Variants in KDM2B observed in about 807,000 individuals in gnomAD.
KDM2B encodes the protein lysine-specific demethylase 2B.
In KDM2B, 26 loss-of-function variants were observed where a neutral mutation model predicts 150.0. That is an observed-to-expected ratio of 0.17 (90% CI 0.13 to 0.24). The LOEUF (loss-of-function observed/expected upper bound fraction) is 0.24. KDM2B is among the 10% of genes least tolerant of loss of function. KDM2B has a pLI of 1.00. For missense variants in KDM2B, 1,265 were observed against 1,816.9 expected, an observed-to-expected ratio of 0.70 and a Z score of 5.52; for synonymous variants, 734 against 729.5, an observed-to-expected ratio of 1.01 and a Z score of -0.10.
At chr12:121,494,370 C>T (rs995445381) in intron 12 of KDM2B, 18 of 516,068 alleles carry the variant, frequency 3.5e-5, no homozygotes, top group Non-Finnish European at 5.9e-5. Context: ...GACCACCAGG[C>T]GGCACTGTTC....
At chr12:121,426,191 C>T (rs1271243188), downstream of KDM2B, among the ~76,000 whole-genome samples, 1 of 152,152 alleles carries the variant, frequency 6.6e-6, no homozygotes, top group Admixed American at 6.5e-5. Flanking sequence ...TAGTTTAAAG[C>T]AGTTTAATGT....
At chr12:121,444,810 A>G in intron 14 of KDM2B, 2 of 531,002 alleles carry the variant, frequency 3.8e-6, no homozygotes, top group Non-Finnish European at 6.8e-6. Context: ...CGGCCATAAA[A>G]GTTAGTGTGC....
intron 22 of KDM2B, among the ~76,000 whole-genome samples, chr12:121,437,801 C>T (rs981353735): frequency 2.6e-5 from 4 of 152,146 alleles, no homozygotes; most frequent in African/African-American, 9.7e-5. Flanking sequence ...TATTTTGTGG[C>T]ACAGACTTAT....
intron 8 of KDM2B, among the ~76,000 whole-genome samples, chr12:121,532,343 AACTC>A (rs1555307961): frequency 6.6e-6 from 1 of 152,136 alleles, no homozygotes. Flanking sequence ...AGGAGATCTG[AACTC>A]ACTCAGCCCT....
chr12:121,549,783 C>T lies in KDM2B; in HGVS notation c.398-145G>A, dbSNP rs76996904. The T allele has an allele frequency of 5.9e-4, 408 of 690,198 alleles. 4 individuals are homozygous for T. In the East Asian group the frequency reaches 0.011, roughly 19 times the overall value. 42.8% of individuals were successfully genotyped at this position (690,198 alleles called of 1,614,324 possible). On this transcript the variant is annotated intron_variant, in intron 4 of 22. Coordinates refer to ENST00000377071, the MANE Select transcript of KDM2B (RefSeq NM_032590.5). The surrounding 1 kb of genome is among the most constrained non-coding windows in gnomAD (Gnocchi z 4.4). ...TCCTCATCTGTTCAATTACCTCACC[C>T]CATCGGCTTTCCTTCTGGGATCTGT... is the stretch of plus-strand genomic sequence containing the variant.
At chr12:121,460,484 G>A (rs1393341021) in intron 12 of KDM2B, among the ~76,000 whole-genome samples, 4 of 152,148 alleles carry the variant, frequency 2.6e-5, no homozygotes, top group Admixed American at 2.0e-4. Flanking sequence ...CCGCAGCCTC[G>A]ACTTCCCAGG....
At position 121,442,455 on chromosome 12, in the gene KDM2B, G is replaced by A. The variant is rs1157440467; in HGVS notation, c.2986C>T (p.Arg996Cys). 5 of 1,599,890 alleles carry A rather than the reference G, an allele frequency of 3.1e-6. No individual in the cohort carries two copies. Among genetic ancestry groups the A allele is most frequent in the Non-Finnish European group, 4.2e-6 (5 of 1,179,670 alleles). Residue 996 changes from arginine (R) to cysteine (C), a missense_variant, in exon 19 of 23, where the codon CGC becomes TGC. Coordinates refer to ENST00000377071, the MANE Select transcript of KDM2B (RefSeq NM_032590.5). The surrounding 1 kb of genome is among the most constrained non-coding windows in gnomAD (Gnocchi z 7.7). ...RPPGICERPH[R>C]FSKGLNGTPR... ...GTGCCGTTGAGCCCCTTGCTGAAGC[G>A]GTGGGGACGCTCGCAGATGCCCGGG...
chr12:121,580,514 G>C, intron 1 of KDM2B: 1 of 1,263,482 alleles, frequency 7.9e-7, no homozygotes, highest in Non-Finnish European at 1.0e-6. Context: ...GTTGTGTGCA[G>C]AGCTGACTTT....
intron 17 of KDM2B, 53 bp from the exon 18 acceptor site, chr12:121,443,083 GGT>G: frequency 2.6e-6 from 4 of 1,513,084 alleles, no homozygotes; most frequent in Non-Finnish European, 3.5e-6. Flanking sequence ...CGTGGGATTT[GGT>G]CTCCTCGACA....
chr12:121,534,101 G>A (rs1469997247), intron 7 of KDM2B, among the ~76,000 whole-genome samples: 1 of 152,124 alleles, frequency 6.6e-6, no homozygotes, highest in Non-Finnish European at 1.5e-5. Flanking sequence ...TCTAATCCCA[G>A]CACTTTGGGA....
chr12:121,451,239 TAATG>T (rs1555291576), intron 13 of KDM2B, among the ~76,000 whole-genome samples: 3 of 152,222 alleles, frequency 2.0e-5, no homozygotes, highest in African/African-American at 2.4e-5. Context: ...CACTTCCACT[TAATG>T]AATGATAAAT....
At position 121,442,550 on chromosome 12, in the gene KDM2B, C is replaced by G. The variant is rs1875316974; in HGVS notation, c.2891G>C (p.Ser964Thr). 3.1e-6 allele frequency: 5 copies of G among 1,600,102 alleles called. No individual in the cohort carries two copies. Among genetic ancestry groups the G allele is most frequent in the East Asian group, 2.2e-5 (1 of 44,880 alleles). ...GGGCTGCTGGTTCTCGTTGGCCAGG[C>G]TGTTCTCCGTCCTCTGGATCTCGTG... is the stretch of plus-strand genomic sequence containing the variant. ...LNHEIQRTEN[S>T]LANENQQPIK... Residue 964 changes from serine to threonine, a missense_variant, in exon 19 of 23, where the codon AGC (serine) becomes ACC (threonine). By Grantham distance (58) the Ser-to-Thr change is moderately conservative (BLOSUM62 1). Transcript: ENST00000377071. The surrounding 1 kb of genome is among the most constrained non-coding windows in gnomAD (Gnocchi z 7.7).
chr12:121,414,996 T>C, the KDM2B span, among the ~76,000 whole-genome samples: 1 of 152,138 alleles, frequency 6.6e-6, no homozygotes, highest in South Asian at 2.1e-4. Context: ...CTGGGGAGGC[T>C]GAGGCAGGAG....
At position 121,478,872 on chromosome 12, in the gene KDM2B, G is replaced by T. The variant is rs1029429144; in HGVS notation, c.1734+15707C>A. Among the ~76,000 whole-genome samples, 28 of 150,924 alleles carry T rather than the reference G, an allele frequency of 1.9e-4. 1 individual carries two copies. The highest frequency in any genetic ancestry group is 3.4e-3 in the Middle Eastern group (1 of 294). ...CCGGCTAATTTTTGTTTGTTTGTGT[G>T]TGTGTGTGTGTGTGTGTGTGTGTTT... On this transcript the variant is annotated intron_variant, in intron 12 of 22. Coordinates refer to ENST00000377071, the MANE Select transcript of KDM2B (RefSeq NM_032590.5).
intron 4 of KDM2B, among the ~76,000 whole-genome samples, chr12:121,570,625 C>T (rs1438515839): frequency 6.6e-6 from 1 of 152,216 alleles, no homozygotes; most frequent in African/African-American, 2.4e-5. Context: ...AATGACCTCA[C>T]TGCATAGCCA....
chr12:121,443,902 GGATTATCC>G, intron 16 of KDM2B, 102 bp downstream of exon 16: 1 of 1,455,666 alleles, frequency 6.9e-7, no homozygotes, highest in Non-Finnish European at 9.3e-7. Context: ...CAAGAGGCCG[GGATTATCC>G]CAAGCTCTAC....
At chr12:121,427,835 C>T (rs1158789406), downstream of KDM2B, among the ~76,000 whole-genome samples, 1 of 152,164 alleles carries the variant, frequency 6.6e-6, no homozygotes, top group African/African-American at 2.4e-5. Context: ...CAGTTGCAGC[C>T]ACAAATCTGT....
intron 12 of KDM2B, among the ~76,000 whole-genome samples, chr12:121,456,278 G>A (rs1398068327): frequency 2.0e-5 from 3 of 152,224 alleles, no homozygotes; most frequent in African/African-American, 7.2e-5. Flanking sequence ...GTGCCACGAT[G>A]CCTCAGTGCG....
chr12:121,514,443 T>C (rs2140989653), intron 9 of KDM2B, among the ~76,000 whole-genome samples: 1 of 151,766 alleles, frequency 6.6e-6, no homozygotes, highest in Non-Finnish European at 1.5e-5. Flanking sequence ...TCTGTACAGA[T>C]GAGATGTCAC....
Sources: allele counts gnomAD v4.1 joint callset (sites outside exome capture counted in the v4.1 genomes callset), GRCh38; gene constraint gnomAD v4.1.1; non-coding constraint Gnocchi (gnomAD v3.1); transcripts MANE v1.5; gene names NCBI Gene and HGNC (gene_info 2026-07-23, HGNC 2026-07-21).